RTN1: variants seen among roughly 807,000 people sequenced by gnomAD.
RTN1 encodes reticulon-1.
Under a neutral mutation model 65.5 loss-of-function variants are expected in RTN1, and 25 were observed. That is an observed-to-expected ratio of 0.38 (90% confidence interval 0.28 to 0.53). RTN1 has a LOEUF of 0.53. Ranked by LOEUF, RTN1 falls within the 20% of genes least tolerant of loss-of-function variation. RTN1 has a pLI of 0.79. For missense variants in RTN1, 983 were observed against 1,025.4 expected (o/e 0.96, Z 0.57); for synonymous variants, 471 against 447.6 (o/e 1.05, Z -0.66).
At chr14:59,796,436 G>A (rs1252838770) in intron 1 of RTN1, among the ~76,000 whole-genome samples, 1 of 151,212 alleles carries the variant, frequency 6.6e-6, no homozygotes, top group Admixed American at 6.6e-5. Flanking sequence ...ATCATTTTTT[G>A]TTGTTATTTA....
chr14:59,646,191 C>A (rs749612606), intron 3 of RTN1, among the ~76,000 whole-genome samples: 2 of 152,116 alleles, frequency 1.3e-5, no homozygotes, highest in Non-Finnish European at 2.9e-5. Flanking sequence ...CAAAATAGAC[C>A]AAACTGAGGA....
chr14:59,643,262 A>C (rs1882816416), intron 3 of RTN1, among the ~76,000 whole-genome samples: 2 of 152,212 alleles, frequency 1.3e-5, no homozygotes, highest in Admixed American at 1.3e-4. Context: ...TAAAAAAAAA[A>C]TTCAGGCATG....
chr14:59,629,789 T>C (rs1484553218), intron 3 of RTN1, among the ~76,000 whole-genome samples: 2 of 152,212 alleles, frequency 1.3e-5, no homozygotes, highest in Admixed American at 1.3e-4. Context: ...GGGCACTGTT[T>C]CGTTCTTTCC....
chr14:59,854,864 T>C (rs79531763), intron 1 of RTN1, among the ~76,000 whole-genome samples: 1,850 of 152,262 alleles, frequency 0.012, 36 homozygotes, highest in African/African-American at 0.042. Context: ...CCTACTTTAT[T>C]GAGATTAAGG....
At chr14:59,707,740 CACAAAT>C (rs1352888156) in intron 3 of RTN1, among the ~76,000 whole-genome samples, 1 of 148,992 alleles carries the variant, frequency 6.7e-6, no homozygotes, top group South Asian at 2.1e-4. Flanking sequence ...CACACACACA[CACAAAT>C]ACATACACAC....
chr14:59,860,833 G>A (rs937157794), intron 1 of RTN1, among the ~76,000 whole-genome samples: 2 of 152,182 alleles, frequency 1.3e-5, no homozygotes, highest in Admixed American at 6.5e-5. Flanking sequence ...TGCCCTGCTG[G>A]ATTTCAGACA....
At chr14:59,633,045 G>A (rs754292168) in intron 3 of RTN1, among the ~76,000 whole-genome samples, 1 of 152,198 alleles carries the variant, frequency 6.6e-6, no homozygotes, top group South Asian at 2.1e-4. Flanking sequence ...CGAGGCTGCA[G>A]TGAGTTGTGA....
chr14:59,669,384 T>C (rs1883451660), intron 3 of RTN1, among the ~76,000 whole-genome samples: 1 of 151,816 alleles, frequency 6.6e-6, no homozygotes, highest in Admixed American at 6.6e-5. Context: ...ATGTTCTCAC[T>C]CATAGATGGG....
intron 1 of RTN1, among the ~76,000 whole-genome samples, chr14:59,763,531 CTTT>C (rs567181046): frequency 9.6e-4 from 122 of 127,356 alleles, no homozygotes; most frequent in East Asian, 6.4e-3. Context: ...AATTTTCTTT[CTTT>C]TTTTTTTTTT....
chr14:59,597,941 G>C lies in RTN1; in HGVS notation c.2289-1154C>G, dbSNP rs934589270. On this transcript the variant is annotated intron_variant, in intron 8 of 8. Coordinates refer to ENST00000267484, the MANE Select transcript of RTN1 (RefSeq NM_021136.3). ...CTGAAAGGCAGGCAGGGACCAGATG[G>C]TGGGTGTTGGAGTTTGTGGGATGCG... 2.6e-5 allele frequency among the ~76,000 whole-genome samples: 4 copies of C among 152,158 alleles called. No individual in the cohort carries two copies. In the South Asian group the frequency reaches 8.3e-4, roughly 32 times the overall value.
chr14:59,793,741 A>G (rs1181535817), intron 1 of RTN1, among the ~76,000 whole-genome samples: 2 of 151,958 alleles, frequency 1.3e-5, no homozygotes, highest in African/African-American at 4.8e-5. Context: ...CTCTTTTAAG[A>G]GTTGTTATAC....
chr14:59,807,045 T>C (rs1312826626), intron 1 of RTN1, among the ~76,000 whole-genome samples: 1 of 152,250 alleles, frequency 6.6e-6, no homozygotes, highest in Non-Finnish European at 1.5e-5. Context: ...ACTCTTTACC[T>C]CTAACTCATT....
intron 1 of RTN1, among the ~76,000 whole-genome samples, chr14:59,855,088 T>C (rs1324194025): frequency 1.3e-5 from 2 of 152,226 alleles, no homozygotes; most frequent in Non-Finnish European, 2.9e-5. Flanking sequence ...TTTGTGCATT[T>C]AGCAAACATG....
chr14:59,863,964 G>A (rs1379950763), intron 1 of RTN1, among the ~76,000 whole-genome samples: 1 of 152,096 alleles, frequency 6.6e-6, no homozygotes, highest in Non-Finnish European at 1.5e-5. Flanking sequence ...AAGCCACCAT[G>A]ATTTCTTTCT....
intron 4 of RTN1, 93 bp from the exon 5 acceptor site, chr14:59,605,599 A>G (rs745355021): frequency 1.3e-4 from 173 of 1,357,434 alleles, no homozygotes; most frequent in Admixed American, 2.9e-4. Flanking sequence ...TCCTACTCTC[A>G]CTCTGAGGGT....
At chr14:59,692,135 C>T (rs1287824110) in intron 3 of RTN1, among the ~76,000 whole-genome samples, 2 of 152,102 alleles carry the variant, frequency 1.3e-5, no homozygotes, top group African/African-American at 2.4e-5. Context: ...AAAAGGAAGT[C>T]GAACTATCTC....
intron 1 of RTN1, among the ~76,000 whole-genome samples, chr14:59,856,998 A>G (rs776862305): frequency 2.6e-5 from 4 of 152,208 alleles, no homozygotes; most frequent in Non-Finnish European, 4.4e-5. Flanking sequence ...TTGACATGAT[A>G]TTAGGTACCA....
intron 1 of RTN1, among the ~76,000 whole-genome samples, chr14:59,755,069 G>A (rs868693746): frequency 6.6e-6 from 1 of 152,154 alleles, no homozygotes; most frequent in Non-Finnish European, 1.5e-5. Context: ...AGCCTATTCT[G>A]ACTCGCTAGG....
intron 1 of RTN1, among the ~76,000 whole-genome samples, chr14:59,799,510 T>C (rs1886500043): frequency 6.6e-6 from 1 of 152,232 alleles, no homozygotes; most frequent in Non-Finnish European, 1.5e-5. Flanking sequence ...TTCTTTCACC[T>C]TTAATAGAGC....
Sources: allele counts gnomAD v4.1 joint callset (sites outside exome capture counted in the v4.1 genomes callset), GRCh38; gene constraint gnomAD v4.1.1; transcripts MANE v1.5; gene names NCBI Gene and HGNC (gene_info 2026-07-23, HGNC 2026-07-21).